AXDND1: variants seen among roughly 807,000 people sequenced by gnomAD.
The protein encoded by AXDND1 is axonemal dynein light chain domain-containing protein 1.
A neutral mutation model predicts 137.5 loss-of-function variants in AXDND1; 110 were observed. The ratio of observed to expected loss-of-function variants is 0.80; its 90% CI spans 0.69 to 0.94. AXDND1 has a LOEUF of 0.94. Ranked by LOEUF, AXDND1 falls within the 40% of genes least tolerant of loss-of-function variation. The probability of loss-of-function intolerance (pLI) is 0.00; values close to 1 mark genes in which losing one functional copy is unlikely to be tolerated. For missense variants in AXDND1, 1,191 were observed against 1,169.8 expected (o/e 1.02, Z -0.26); for synonymous variants, 414 against 399.7 (o/e 1.04, Z -0.43).
At chr1:179,444,028 A>G (rs566472696) in intron 15 of AXDND1, among the ~76,000 whole-genome samples, 2 of 151,120 alleles carry the variant, frequency 1.3e-5, no homozygotes, top group African/African-American at 4.9e-5. Context: ...TTCCTGTTCT[A>G]TATACAACAT....
chr1:179,459,534 C>A (rs1031096556), intron 16 of AXDND1, among the ~76,000 whole-genome samples: 1 of 151,984 alleles, frequency 6.6e-6, no homozygotes, highest in Non-Finnish European at 1.5e-5. Context: ...AGAGTAAGAT[C>A]TTTTTATTCT....
chr1:179,500,805 G>A (rs1370795000), intron 20 of AXDND1, among the ~76,000 whole-genome samples: 1 of 152,150 alleles, frequency 6.6e-6, no homozygotes, highest in Non-Finnish European at 1.5e-5. Context: ...CTGAGTAGCC[G>A]GGATTACAGG....
At position 179,468,416 on chromosome 1, in the gene AXDND1, A is replaced by C. The variant is rs1225520403; in HGVS notation, c.1799-27A>C. The C allele has an allele frequency of 2.3e-5, 34 of 1,486,098 alleles. 1 individual carries two copies. The highest frequency in any genetic ancestry group is 2.8e-5 in the Non-Finnish European group (30 of 1,082,856). The allele number at this position is 1,486,098 out of a possible 1,614,324, so 92.1% of individuals were successfully genotyped here. On this transcript the variant is annotated intron_variant, in intron 16 of 25. Coordinates refer to ENST00000367618, the MANE Select transcript of AXDND1 (RefSeq NM_144696.6). ...ATAGTAGTCTTACAAATATTTCTAA[A>C]AGTTAATGCTTTTCTTACTTTTCTA...
At chr1:179,403,171 A>G (rs1179625234) in intron 11 of AXDND1, among the ~76,000 whole-genome samples, 2 of 152,214 alleles carry the variant, frequency 1.3e-5, no homozygotes, top group Non-Finnish European at 2.9e-5. Context: ...ATGTATTTTT[A>G]CAACAAAGTA....
intron 16 of AXDND1, among the ~76,000 whole-genome samples, chr1:179,458,305 T>C (rs1191791787): frequency 6.6e-6 from 1 of 152,154 alleles, no homozygotes; most frequent in Admixed American, 6.6e-5. Flanking sequence ...TATTCCTAGC[T>C]TCATAGCTAA....
chr1:179,463,694 G>GTT (rs1365746981), intron 16 of AXDND1, among the ~76,000 whole-genome samples: 67 of 152,274 alleles, frequency 4.4e-4, no homozygotes, highest in African/African-American at 1.2e-3. Context: ...CTGTCTCCTT[G>GTT]ATCTGTCTAC....
intron 11 of AXDND1, among the ~76,000 whole-genome samples, chr1:179,398,680 A>G (rs1361893936): frequency 1.3e-5 from 2 of 152,188 alleles, no homozygotes; most frequent in Admixed American, 6.5e-5. Context: ...ATGCAGGTCT[A>G]TGTGCATTCT....
intron 18 of AXDND1, among the ~76,000 whole-genome samples, chr1:179,484,280 G>A (rs952012444): frequency 3.9e-5 from 6 of 152,158 alleles, no homozygotes; most frequent in Admixed American, 6.5e-5. Flanking sequence ...AGCCTGGAGG[G>A]TTTGGTGCAG....
intron 17 of AXDND1, among the ~76,000 whole-genome samples, chr1:179,479,219 GTAA>G (rs1665009587): frequency 6.6e-6 from 1 of 152,180 alleles, no homozygotes; most frequent in Non-Finnish European, 1.5e-5. Flanking sequence ...GCTCATGCCT[GTAA>G]TCCCAGCACT....
chr1:179,482,098 A>ATTTTTTTTTTT (rs57145549), intron 17 of AXDND1, among the ~76,000 whole-genome samples: 5 of 108,038 alleles, frequency 4.6e-5, no homozygotes, highest in East Asian at 2.5e-4. Flanking sequence ...GAGCTTTTTA[A>ATTTTTTTTTTT]TTTTTTTTTT....
chr1:179,379,515 C>G (rs777565862), intron 6 of AXDND1, 33 bp downstream of exon 6: 1 of 1,606,054 alleles, frequency 6.2e-7, no homozygotes, highest in South Asian at 1.1e-5. Flanking sequence ...AATACCTGCC[C>G]CAGCTCGGTG....
intron 11 of AXDND1, among the ~76,000 whole-genome samples, chr1:179,402,712 TA>T (rs745756315): frequency 2.0e-5 from 3 of 152,236 alleles, no homozygotes; most frequent in African/African-American, 4.8e-5. Context: ...CTCTTAGAAC[TA>T]CACCTTCCCT....
At chr1:179,367,570 C>A (rs1450463579) in intron 2 of AXDND1, among the ~76,000 whole-genome samples, 1 of 151,478 alleles carries the variant, frequency 6.6e-6, no homozygotes, top group Non-Finnish European at 1.5e-5. Flanking sequence ...AACCCGGTCT[C>A]TACTAAAAAT....
At chr1:179,504,652 A>G (rs761857397) in intron 20 of AXDND1, among the ~76,000 whole-genome samples, 3 of 152,092 alleles carry the variant, frequency 2.0e-5, no homozygotes, top group Non-Finnish European at 2.9e-5. Flanking sequence ...GCCTTGTGCT[A>G]TGGCCATTCA....
At chr1:179,447,943 G>A (rs1353996401) in intron 16 of AXDND1, 27 of 1,389,458 alleles carry the variant, frequency 1.9e-5, no homozygotes, top group South Asian at 3.5e-5. Context: ...ATCTGTTAAC[G>A]TTGAGCTGGC....
chr1:179,460,677 G>A lies in AXDND1; in HGVS notation c.1799-7766G>A, dbSNP rs527553582. Among the ~76,000 whole-genome samples, 215 of 152,274 alleles carry A rather than the reference G, an allele frequency of 1.4e-3. 3 individuals are homozygous for A. The highest frequency in any genetic ancestry group is 3.6e-3 in the Admixed American group (55 of 15,294). ...TTACAGTCCCAACAACAGTGTAAAA[G>A]TGTTCCTATTTCTCCACATCCTCTC... On this transcript the variant is annotated intron_variant, in intron 16 of 25. Coordinates refer to ENST00000367618, the MANE Select transcript of AXDND1 (RefSeq NM_144696.6).
chr1:179,415,104 G>T (rs1654496780), intron 12 of AXDND1, among the ~76,000 whole-genome samples: 1 of 152,218 alleles, frequency 6.6e-6, no homozygotes, highest in African/African-American at 2.4e-5. Flanking sequence ...CACTTTGGGA[G>T]GCCAAGGCAA....
At chr1:179,377,930 TGGAA>T (rs1435986021) in intron 4 of AXDND1, among the ~76,000 whole-genome samples, 3 of 152,110 alleles carry the variant, frequency 2.0e-5, no homozygotes. Flanking sequence ...CCCAGCACTT[TGGAA>T]GGCCGAGGCA....
chr1:179,429,841 G>C (rs61820978), intron 13 of AXDND1, among the ~76,000 whole-genome samples: 15,054 of 150,752 alleles, frequency 0.1, 1,039 homozygotes, highest in East Asian at 0.35. Context: ...AACACTACAA[G>C]GTTACTCATA....
Sources: gnomAD v4.1 joint callset for allele counts (sites outside exome capture counted in the v4.1 genomes callset) on GRCh38, gnomAD v4.1.1 for gene constraint, MANE v1.5 for transcripts, NCBI Gene and HGNC (gene_info 2026-07-23, HGNC 2026-07-21) for gene names.